PRKD1: variants seen among roughly 807,000 people sequenced by gnomAD.
The protein encoded by PRKD1 is serine/threonine-protein kinase D1.
A neutral mutation model predicts 95.9 loss-of-function variants in PRKD1; 63 were observed. The ratio of observed to expected loss-of-function variants is 0.66; its 90% confidence interval spans 0.54 to 0.81. The LOEUF is 0.81. PRKD1 is among the 30% of genes least tolerant of loss of function. The pLI is 0.00. For synonymous variants in PRKD1, 425 were observed against 423.1 expected, an observed-to-expected ratio of 1.00 and a Z score of -0.05; for missense variants, 1,048 against 1,165.3, an observed-to-expected ratio of 0.90 and a Z score of 1.47.
intron 13 of PRKD1, among the ~76,000 whole-genome samples, chr14:29,611,479 G>C (rs1202154119): frequency 6.6e-6 from 1 of 151,942 alleles, no homozygotes; most frequent in Non-Finnish European, 1.5e-5. Flanking sequence ...TGGGGGGAGT[G>C]AGAACTCAAG....
intron 2 of PRKD1, among the ~76,000 whole-genome samples, chr14:29,700,974 A>G (rs1241280628): frequency 2.5e-5 from 1 of 39,342 alleles, no homozygotes. Flanking sequence ...ACGCGTGCGC[A>G]TGCGCGCGCG....
chr14:29,915,455 G>A (rs1184966733), intron 1 of PRKD1, among the ~76,000 whole-genome samples: 1 of 152,078 alleles, frequency 6.6e-6, no homozygotes, highest in Non-Finnish European at 1.5e-5. Flanking sequence ...AAAACAGGCA[G>A]ATTTAGTATT....
At chr14:29,689,726 T>C (rs1288199693) in intron 2 of PRKD1, among the ~76,000 whole-genome samples, 1 of 152,196 alleles carries the variant, frequency 6.6e-6, no homozygotes, top group Non-Finnish European at 1.5e-5. Flanking sequence ...TCAACACAAA[T>C]GCTCATCAAC....
At chr14:29,813,877 C>A (rs542343357) in intron 1 of PRKD1, among the ~76,000 whole-genome samples, 1 of 152,188 alleles carries the variant, frequency 6.6e-6, no homozygotes, top group South Asian at 2.1e-4. Context: ...GAGACCTGAA[C>A]TGTATAAACA....
At chr14:29,628,984 G>T (rs1879807318) in intron 11 of PRKD1, 57 bp downstream of exon 11, 7 of 1,210,796 alleles carry the variant, frequency 5.8e-6, no homozygotes, top group Non-Finnish European at 5.6e-6. Context: ...ATTTTATGAT[G>T]CTTTTATTTT....
At chr14:29,723,664 A>AGT (rs1206927919) in intron 2 of PRKD1, among the ~76,000 whole-genome samples, 1,971 of 98,392 alleles carry the variant, frequency 0.02, 42 homozygotes, top group African/African-American at 0.071. Context: ...AACATAATTG[A>AGT]GTGTGCGTGT....
At chr14:29,621,357 A>T (rs991820335) in intron 13 of PRKD1, among the ~76,000 whole-genome samples, 6 of 151,662 alleles carry the variant, frequency 4.0e-5, no homozygotes, top group South Asian at 2.1e-4. Context: ...ATAATAATAA[A>T]AAGGGTTTCT....
intron 4 of PRKD1, among the ~76,000 whole-genome samples, chr14:29,659,012 C>A (rs973564776): frequency 6.6e-6 from 1 of 152,142 alleles, no homozygotes; most frequent in Admixed American, 6.5e-5. Context: ...AACACTTTTA[C>A]TGAGGTACAA....
At chr14:29,868,044 T>A (rs888340042) in intron 1 of PRKD1, among the ~76,000 whole-genome samples, 2 of 152,300 alleles carry the variant, frequency 1.3e-5, no homozygotes, top group South Asian at 2.1e-4. Flanking sequence ...AGAATAGGGA[T>A]CTTATTTATG....
intron 1 of PRKD1, among the ~76,000 whole-genome samples, chr14:29,791,612 T>C (rs760973427): frequency 3.9e-5 from 6 of 152,196 alleles, no homozygotes; most frequent in Non-Finnish European, 5.9e-5. Context: ...CTCAGCATAA[T>C]TATTTTCAGA....
chr14:29,807,444 T>A (rs1890282881), intron 1 of PRKD1, among the ~76,000 whole-genome samples: 1 of 152,068 alleles, frequency 6.6e-6, no homozygotes, highest in South Asian at 2.1e-4. Flanking sequence ...TGGCCCAGGC[T>A]GGAGTGCAGT....
chr14:29,898,170 G>C (rs1329133083), intron 1 of PRKD1, among the ~76,000 whole-genome samples: 1 of 152,004 alleles, frequency 6.6e-6, no homozygotes, highest in Non-Finnish European at 1.5e-5. Flanking sequence ...TTCAATTCCA[G>C]ATTTTGCAGT....
At chr14:29,715,341 A>G (rs1482157288) in intron 2 of PRKD1, among the ~76,000 whole-genome samples, 2 of 151,994 alleles carry the variant, frequency 1.3e-5, no homozygotes, top group Non-Finnish European at 2.9e-5. Context: ...AAAATGTTCT[A>G]TATCAATATG....
At chr14:29,664,161 A>C (rs1398773076) in intron 3 of PRKD1, among the ~76,000 whole-genome samples, 3 of 152,168 alleles carry the variant, frequency 2.0e-5, no homozygotes, top group Non-Finnish European at 2.9e-5. Context: ...AGATAATCTG[A>C]GCCACTTTTA....
At position 29,584,160 on chromosome 14, in the gene PRKD1, G is replaced by T. The variant is rs549932716; in HGVS notation, c.2435-5800C>A. The stretch of plus-strand genomic sequence containing the variant: ...GAAAAGAAGCATTCCATCAGAATAT[G>T]ATATAGATTCCATTTTTTCTAACAA... On this transcript the variant is annotated intron_variant, in intron 16 of 17. Transcript: ENST00000331968. 1.4e-4 allele frequency among the ~76,000 whole-genome samples: 22 copies of T among 152,246 alleles called. No homozygotes were observed. The South Asian group carries it at 2.7e-3, about 19-fold the overall frequency.
intron 1 of PRKD1, among the ~76,000 whole-genome samples, chr14:29,752,946 G>T (rs370112754): frequency 6.6e-6 from 1 of 152,020 alleles, no homozygotes; most frequent in African/African-American, 2.4e-5. Context: ...AGTCATATTA[G>T]GAACAGAGTG....
chr14:29,774,002 G>T (rs1888624990), intron 1 of PRKD1, among the ~76,000 whole-genome samples: 1 of 152,168 alleles, frequency 6.6e-6, no homozygotes, highest in Non-Finnish European at 1.5e-5. Flanking sequence ...CATAAACGTT[G>T]GATCAAAGAA....
chr14:29,899,830 G>A (rs1416132038), intron 1 of PRKD1, among the ~76,000 whole-genome samples: 1 of 152,170 alleles, frequency 6.6e-6, no homozygotes. Context: ...ATCTCAAACT[G>A]TAATCCGAAT....
chr14:29,704,893 TACAC>T (rs999579404), intron 2 of PRKD1, among the ~76,000 whole-genome samples: 46 of 152,114 alleles, frequency 3.0e-4, no homozygotes, highest in Admixed American at 2.9e-3. Flanking sequence ...CACACAGACA[TACAC>T]ACACAAATAG....
Sources: gnomAD v4.1 joint callset for allele counts (sites outside exome capture counted in the v4.1 genomes callset) on GRCh38, gnomAD v4.1.1 for gene constraint, MANE v1.5 for transcripts, NCBI Gene and HGNC (gene_info 2026-07-23, HGNC 2026-07-21) for gene names.